Variants in CAP2 observed in about 807,000 individuals in gnomAD.
CAP2 encodes cyclase associated actin cytoskeleton regulatory protein 2.
CAP2 carries 24 observed loss-of-function variants against 57.7 expected under a neutral mutation model. The ratio of observed to expected loss-of-function variants is 0.42; its 90% CI spans 0.30 to 0.58. The LOEUF is 0.58. Ranked by LOEUF, CAP2 falls within the 20% of genes least tolerant of loss-of-function variation. The pLI, the probability that CAP2 is intolerant of heterozygous loss-of-function variation, is 0.22. For synonymous variants in CAP2, 194 were observed against 207.2 expected (o/e 0.94, Z 0.55); for missense variants, 501 against 590.3 (o/e 0.85, Z 1.57).
At chr6:17,521,169 T>C (rs4716151) in intron 7 of CAP2, among the ~76,000 whole-genome samples, 109,355 of 151,572 alleles carry the variant, frequency 0.72, 39,536 homozygotes, top group East Asian at 0.73. Context: ...AATCCCGGCA[T>C]TTTGAGAGGC....
Position 17,405,498 on chromosome 6 carries a change from GTCTCTC to G in CAP2, c.-2+11779_-2+11784del, listed in dbSNP as rs57158664. Among the ~76,000 whole-genome samples, 625 of 148,496 alleles carry G rather than the reference GTCTCTC, an allele frequency of 4.2e-3. 4 individuals carry two copies. Among genetic ancestry groups the G allele is most frequent in the Non-Finnish European group, 6.9e-3 (457 of 66,660 alleles). Reference sequence around the variant, plus strand: ...ATAATAAAGGTTATGTGAATGTGGAGTCTCTCTCTCTCTCTCTCTCTCTCTCTCTCT... The same window carrying G: ...ATAATAAAGGTTATGTGAATGTGGAGTCTCTCTCTCTCTCTCTCTCTCTCT... On this transcript the variant is annotated intron_variant, in intron 1 of 12. Coordinates refer to ENST00000229922, the MANE Select transcript of CAP2 (RefSeq NM_006366.3).
intron 4 of CAP2, among the ~76,000 whole-genome samples, chr6:17,465,171 T>G (rs886150050): frequency 6.6e-6 from 1 of 152,206 alleles, no homozygotes; most frequent in Admixed American, 6.5e-5. Context: ...CCTTTCTTAC[T>G]CTACTGCATT....
rs952037971 is a variant in CAP2 at position 17,513,625 on chromosome 6, G to A, written c.531-224G>A. Among the ~76,000 whole-genome samples the A allele has an allele frequency of 2.6e-5, 4 of 151,964 alleles. No individual in the cohort carries two copies. Among genetic ancestry groups the A allele is most frequent in the African/African-American group, 9.7e-5 (4 of 41,360 alleles). On this transcript the variant is annotated intron_variant, in intron 6 of 12. Transcript: ENST00000229922. The surrounding 1 kb of genome is among the most constrained non-coding windows in gnomAD (Gnocchi z 4.3). The stretch of plus-strand genomic sequence containing the variant: ...CTGTGGTACCTCTGCTCCATACCCG[G>A]AGCTCAGGGCATCCGGCCACCTGCC...
intron 3 of CAP2, among the ~76,000 whole-genome samples, chr6:17,442,969 G>C (rs529190384): frequency 1.3e-5 from 2 of 151,860 alleles, no homozygotes; most frequent in Non-Finnish European, 2.9e-5. Context: ...CCACCGCCTC[G>C]ACCTCCCAAA....
intron 11 of CAP2, among the ~76,000 whole-genome samples, chr6:17,544,277 A>G (rs1301141248): frequency 6.6e-6 from 1 of 152,182 alleles, no homozygotes; most frequent in Admixed American, 6.5e-5. Flanking sequence ...AAGTACTGTG[A>G]GACTCTCCTA....
rs1192402488 is a variant in CAP2 at position 17,513,808 on chromosome 6, G to T, written c.531-41G>T. 1.6e-5 allele frequency: 22 copies of T among 1,387,006 alleles called. No homozygotes were observed. The highest frequency in any genetic ancestry group is 2.3e-5 in the South Asian group (2 of 86,360). 85.9% of individuals were successfully genotyped at this position (1,387,006 alleles called of 1,614,324 possible). On this transcript the variant is annotated intron_variant, in intron 6 of 12. Transcript: ENST00000229922. The surrounding 1 kb of genome is among the most constrained non-coding windows in gnomAD (Gnocchi z 4.3). ...ACAATTTTTTTAAAATTTTATTTTA[G>T]ATCCTAACTCTGCTTTCTTCAACCC...
chr6:17,539,645 A>AG (rs984634197), intron 8 of CAP2, among the ~76,000 whole-genome samples, 187 bp downstream of exon 8: 1 of 152,330 alleles, frequency 6.6e-6, no homozygotes, highest in South Asian at 2.1e-4. Context: ...AGACGGGCTC[A>AG]GGGGGTCACT....
At chr6:17,427,489 A>G (rs1759623519) in intron 3 of CAP2, among the ~76,000 whole-genome samples, 1 of 152,086 alleles carries the variant, frequency 6.6e-6, no homozygotes, top group African/African-American at 2.4e-5. Flanking sequence ...GATGGCTACT[A>G]TCCAAAGAAC....
Position 17,556,985 on chromosome 6 carries a change from T to C in CAP2, c.*543T>C, listed in dbSNP as rs1763328587. On this transcript the variant is annotated 3_prime_UTR_variant, in exon 13 of 13. Transcript: ENST00000229922. ...TTTCAACCCACGCTTGTAAAAGACATAAGAGTTTATAAAGGACCAAATTCA... is the reference window on the plus strand; with the variant it reads ...TTTCAACCCACGCTTGTAAAAGACACAAGAGTTTATAAAGGACCAAATTCA... 1 of 97,368 alleles carries C rather than the reference T, an allele frequency of 1.0e-5. No homozygotes were observed. Among genetic ancestry groups the C allele is most frequent in the South Asian group, 3.7e-4 (1 of 2,726 alleles). 6.0% of individuals were successfully genotyped at this position (97,368 alleles called of 1,614,324 possible).
chr6:17,555,383 G>A (rs1280748859), intron 12 of CAP2, among the ~76,000 whole-genome samples: 3 of 151,146 alleles, frequency 2.0e-5, no homozygotes, highest in Non-Finnish European at 2.9e-5. Flanking sequence ...TAGTAGACAC[G>A]GGGTTTCTCC....
chr6:17,467,815 A>C (rs6908174), intron 4 of CAP2, among the ~76,000 whole-genome samples: 17,545 of 152,014 alleles, frequency 0.12, 3,251 homozygotes, highest in African/African-American at 0.39. Flanking sequence ...GAGCCACAGC[A>C]CCCGGCCTAC....
At chr6:17,537,109 T>C (rs551477241) in intron 7 of CAP2, among the ~76,000 whole-genome samples, 1 of 152,256 alleles carries the variant, frequency 6.6e-6, no homozygotes, top group Admixed American at 6.5e-5. Context: ...AATAAGACAA[T>C]TATATTTTAT....
intron 3 of CAP2, among the ~76,000 whole-genome samples, chr6:17,439,624 G>A (rs901752140): frequency 2.0e-5 from 3 of 151,372 alleles, no homozygotes; most frequent in Non-Finnish European, 4.4e-5. Context: ...TCCCATTTAG[G>A]GGTAATGGGA....
At chr6:17,511,821 G>C (rs114526202) in intron 6 of CAP2, among the ~76,000 whole-genome samples, 3,156 of 152,198 alleles carry the variant, frequency 0.021, 113 homozygotes, top group African/African-American at 0.072. Context: ...GTCTCTCTGA[G>C]TCATAATCAT....
At chr6:17,547,683 T>C (rs954763263) in intron 11 of CAP2, among the ~76,000 whole-genome samples, 7 of 151,504 alleles carry the variant, frequency 4.6e-5, no homozygotes, top group African/African-American at 2.4e-5. Flanking sequence ...CTACTAAAAA[T>C]ACAAAAAATA....
At chr6:17,505,478 C>T (rs571969934) in intron 4 of CAP2, among the ~76,000 whole-genome samples, 21 of 152,244 alleles carry the variant, frequency 1.4e-4, no homozygotes, top group Admixed American at 4.6e-4. Flanking sequence ...CCCCCGGACC[C>T]GTTAAATCAG....
intron 4 of CAP2, among the ~76,000 whole-genome samples, chr6:17,476,663 T>A (rs2113616143): frequency 6.6e-6 from 1 of 152,172 alleles, no homozygotes; most frequent in Admixed American, 6.5e-5. Context: ...TTCTGCCATC[T>A]CCCAAGGCTT....
intron 6 of CAP2, among the ~76,000 whole-genome samples, chr6:17,510,525 G>C (rs889583507): frequency 7.2e-5 from 11 of 152,230 alleles, no homozygotes; most frequent in Admixed American, 5.9e-4. Context: ...TAAAACAGTT[G>C]TGCTCAGTTA....
At chr6:17,441,052 A>G (rs999622351) in intron 3 of CAP2, among the ~76,000 whole-genome samples, 3 of 151,548 alleles carry the variant, frequency 2.0e-5, no homozygotes, top group African/African-American at 4.9e-5. Flanking sequence ...ATTTTTAAGC[A>G]AGAAGATTGT....
Sources: gnomAD v4.1 joint callset for allele counts (sites outside exome capture counted in the v4.1 genomes callset) on GRCh38, gnomAD v4.1.1 for gene constraint, Gnocchi (gnomAD v3.1) non-coding constraint, MANE v1.5 for transcripts, NCBI Gene and HGNC (gene_info 2026-07-23, HGNC 2026-07-21) for gene names.